The following GNL3L variants were observed in gnomAD, a reference collection of about 807,000 sequenced individuals.
GNL3L encodes guanine nucleotide-binding protein-like 3-like protein.
Under a neutral mutation model 42.9 loss-of-function variants are expected in GNL3L, and 4 were observed. That is an observed-to-expected ratio of 0.09 (90% CI 0.05 to 0.21). The LOEUF (loss-of-function observed/expected upper bound fraction) is 0.21, where lower values mean the gene tolerates loss of function less well. Among genes scored for constraint, GNL3L ranks in the 10% least tolerant of loss-of-function variants. The probability of loss-of-function intolerance (pLI) is 1.00; values close to 1 mark genes in which losing one functional copy is unlikely to be tolerated. For synonymous variants in GNL3L, 159 were observed against 176.3 expected (o/e 0.90, Z 0.78); for missense variants, 412 against 481.7 (o/e 0.86, Z 1.36).
At position 54,573,383 on chromosome X, in the gene GNL3L, A is replaced by G. The variant is rs564290609; in HGVS notation, c.*45+12736A>G. Reference sequence around the variant, plus strand: ...ACACAGCGAAACCCCATCTCCACCAAAAAAATACGAAAACCAGTCAGGCTG... The same window carrying G: ...ACACAGCGAAACCCCATCTCCACCAGAAAAATACGAAAACCAGTCAGGCTG... On this transcript the variant is annotated intron_variant, in intron 16 of 16. Transcript: ENST00000674498. Among the ~76,000 whole-genome samples the G allele has an allele frequency of 2.4e-4, 27 of 112,144 alleles. No individual in the cohort carries two copies. The South Asian group carries it at 8.1e-3, about 34-fold the overall frequency.
Position 54,586,958 on chromosome X carries a change from C to T in GNL3L, c.*45+26311C>T, listed in dbSNP as rs780242484. Reference sequence around the variant, plus strand: ...CCACCTGTAGGTTTGGAGACAAGGCCAACCAACCCATCACAGCCAGTTCCA... The same window carrying T: ...CCACCTGTAGGTTTGGAGACAAGGCTAACCAACCCATCACAGCCAGTTCCA... On this transcript the variant is annotated intron_variant, in intron 16 of 16. Transcript: ENST00000674498. 5.4e-5 allele frequency among the ~76,000 whole-genome samples: 6 copies of T among 111,972 alleles called. No homozygotes were observed. In the South Asian group the frequency reaches 2.2e-3, roughly 42 times the overall value.
At chrX:54,592,649 C>T (rs1925884670) in intron 16 of GNL3L, among the ~76,000 whole-genome samples, 1 of 110,363 alleles carries the variant, frequency 9.1e-6, no homozygotes. Flanking sequence ...AACCCTGTCT[C>T]TACAAAAAGT....
At chrX:54,619,092 C>G (rs1475323456) in intron 16 of GNL3L, among the ~76,000 whole-genome samples, 3 of 111,396 alleles carry the variant, frequency 2.7e-5, no homozygotes, top group Non-Finnish European at 5.6e-5. Context: ...AATTTGGCAG[C>G]ATGTATCAGA....
chrX:54,536,081 A>C (rs916839182), intron 2 of GNL3L, among the ~76,000 whole-genome samples: 14 of 111,038 alleles, frequency 1.3e-4, no homozygotes, highest in Admixed American at 1.2e-3. Context: ...GTGCGTGCCA[A>C]CACGCCCGGC....
Position 54,552,284 on chromosome X carries a change from C to T in GNL3L, c.1182-8C>T. On this transcript the variant is annotated splice_region_variant and splice_polypyrimidine_tract_variant and intron_variant, in intron 12 of 15. Transcript: ENST00000360845. ...AGCACCACTCATCTCCCCTATCTCC[C>T]AATGCAGCGGGAAGATCAGCTTCTA... 8.3e-7 allele frequency: 1 copy of T among 1,206,702 alleles called. No homozygotes were observed. The highest frequency in any genetic ancestry group is 1.1e-6 in the Non-Finnish European group (1 of 890,794).
chrX:54,584,889 G>T (rs980287051), intron 16 of GNL3L, among the ~76,000 whole-genome samples: 1 of 112,380 alleles, frequency 8.9e-6, no homozygotes. Context: ...GGGTTCAAGC[G>T]ATTCTCCGGT....
chrX:54,555,362 T>C (rs1293023685), intron 14 of GNL3L, among the ~76,000 whole-genome samples: 1 of 111,347 alleles, frequency 9.0e-6, no homozygotes, highest in Non-Finnish European at 1.9e-5. Flanking sequence ...TTCTCCCTCC[T>C]AAATCTTTTG....
chrX:54,562,448 T>C lies in GNL3L; in HGVS notation c.*1846T>C, dbSNP rs1375192297. Among the ~76,000 whole-genome samples, 1 of 111,206 alleles carries C rather than the reference T, an allele frequency of 9.0e-6. No homozygotes were observed. The highest frequency in any genetic ancestry group is 3.3e-5 in the African/African-American group (1 of 30,618). The stretch of plus-strand genomic sequence containing the variant: ...CCATGTGACAAGGACTGGAGTGCCA[T>C]TGGCTGTGGACTGTTCAGGCAGGGA... On this transcript the variant is annotated 3_prime_UTR_variant, in exon 16 of 16. Coordinates refer to ENST00000360845, the MANE Select transcript of GNL3L (RefSeq NM_001184819.2).
intron 2 of GNL3L, among the ~76,000 whole-genome samples, chrX:54,533,268 T>G (rs1319078024): frequency 9.2e-6 from 1 of 108,181 alleles, no homozygotes; most frequent in Non-Finnish European, 1.9e-5. Flanking sequence ...CTTGGGAGGC[T>G]GAGGCAGGAG....
chrX:54,635,011 T>A, the GNL3L span, among the ~76,000 whole-genome samples: 2 of 108,268 alleles, frequency 1.8e-5, no homozygotes, highest in Admixed American at 2.0e-4. Flanking sequence ...AGGCTGGTCT[T>A]GAACTCCTGA....
At position 54,539,146 on chromosome X, in the gene GNL3L, T is replaced by C. The variant is rs897060703; in HGVS notation, c.81+45T>C. The C allele has an allele frequency of 4.0e-6, 3 of 744,457 alleles. No individual in the cohort carries two copies. In the South Asian group the frequency reaches 7.6e-5, roughly 19 times the overall value. 61.4% of individuals were successfully genotyped at this position (744,457 alleles called of 1,213,427 possible). On this transcript the variant is annotated intron_variant, in intron 3 of 15. Transcript: ENST00000360845. ...GAGGGTAAGGTCAAGAACAGGTTGCTTGTCCTGGGAGAGGCCCACTAAACC... is the reference window on the plus strand; with the variant it reads ...GAGGGTAAGGTCAAGAACAGGTTGCCTGTCCTGGGAGAGGCCCACTAAACC...
chrX:54,542,739 T>G (rs916725568), intron 5 of GNL3L, among the ~76,000 whole-genome samples: 4 of 111,741 alleles, frequency 3.6e-5, no homozygotes, highest in Non-Finnish European at 5.6e-5. Context: ...TCCTATTTCT[T>G]CACATCCTCT....
At chrX:54,544,468 G>T in intron 8 of GNL3L, 142 bp downstream of exon 8, 2 of 375,852 alleles carry the variant, frequency 5.3e-6, no homozygotes, top group Non-Finnish European at 4.7e-6. Flanking sequence ...TCCACCGAGT[G>T]ACTTTTTTTT....
intron 16 of GNL3L, among the ~76,000 whole-genome samples, chrX:54,573,022 T>C (rs755961942): frequency 1.0e-5 from 1 of 99,952 alleles, no homozygotes; most frequent in Non-Finnish European, 2.0e-5. Context: ...ACTTTACAGA[T>C]GGGATGGCGG....
chrX:54,628,948 A>G, the GNL3L span, among the ~76,000 whole-genome samples: 2 of 105,976 alleles, frequency 1.9e-5, no homozygotes, highest in Non-Finnish European at 3.9e-5. Context: ...ATAAAATATA[A>G]TTATAATTAA....
chrX:54,552,495 TCC>T, intron 13 of GNL3L, 67 bp downstream of exon 13: 1 of 1,066,732 alleles, frequency 9.4e-7, no homozygotes, highest in Non-Finnish European at 1.3e-6. Context: ...TGACAGCAAA[TCC>T]CACTTTTGAC....
chrX:54,570,596 ATTTG>A (rs1291650536), downstream of GNL3L, among the ~76,000 whole-genome samples: 6 of 105,763 alleles, frequency 5.7e-5, no homozygotes, highest in Non-Finnish European at 9.8e-5. Context: ...TTTGTTTTGT[ATTTG>A]TTCCATGTAT....
the GNL3L span, among the ~76,000 whole-genome samples, chrX:54,636,291 T>C: frequency 8.9e-6 from 1 of 112,542 alleles, no homozygotes; most frequent in South Asian, 3.7e-4. Flanking sequence ...AGACCATGAC[T>C]GCACTGGAGA....
At chrX:54,623,255 G>A (rs749918179), downstream of GNL3L, among the ~76,000 whole-genome samples, 15 of 101,398 alleles carry the variant, frequency 1.5e-4, no homozygotes, top group Non-Finnish European at 2.5e-4. Context: ...GCAAAAAAAG[G>A]ATGTTGAAAT....
Sources: allele counts gnomAD v4.1 joint callset (sites outside exome capture counted in the v4.1 genomes callset), GRCh38; gene constraint gnomAD v4.1.1; transcripts MANE v1.5; gene names NCBI Gene and HGNC (gene_info 2026-07-23, HGNC 2026-07-21).